SLC25A48: variants seen among roughly 807,000 people sequenced by gnomAD.
SLC25A48 encodes solute carrier family 25 member 48.
Under a neutral mutation model 32.2 loss-of-function variants are expected in SLC25A48, and 29 were observed. The observed-to-expected ratio is 0.90, with a 90% CI of 0.67 to 1.23. The LOEUF (loss-of-function observed/expected upper bound fraction) is 1.23. Among genes scored for constraint, SLC25A48 ranks in the 50% most tolerant of loss-of-function variants. The probability of loss-of-function intolerance (pLI) is 0.00; values close to 1 mark genes in which losing one functional copy is unlikely to be tolerated. For missense variants in SLC25A48, 399 were observed against 422.7 expected (o/e 0.94, Z 0.49); for synonymous variants, 164 against 172.3 (o/e 0.95, Z 0.38).
chr5:135,822,829 A>C (rs1244130043), intron 4 of SLC25A48, among the ~76,000 whole-genome samples: 2 of 152,056 alleles, frequency 1.3e-5, no homozygotes, highest in Non-Finnish European at 2.9e-5. Flanking sequence ...TGCTTGGCAC[A>C]GTGAGGTTGG....
chr5:135,654,575 A>G (rs906201384), intron 3 of SLC25A48, among the ~76,000 whole-genome samples: 1 of 152,236 alleles, frequency 6.6e-6, no homozygotes, highest in African/African-American at 2.4e-5. Context: ...CTGGACATAA[A>G]GTGGGCAGGG....
chr5:135,667,506 C>T (rs1341847825), intron 3 of SLC25A48, among the ~76,000 whole-genome samples: 1 of 152,186 alleles, frequency 6.6e-6, no homozygotes, highest in Non-Finnish European at 1.5e-5. Flanking sequence ...AATAATAATC[C>T]TTTCAAAACA....
intron 3 of SLC25A48, among the ~76,000 whole-genome samples, chr5:135,802,378 C>T (rs745775561): frequency 3.3e-5 from 5 of 151,282 alleles, no homozygotes; most frequent in Non-Finnish European, 5.9e-5. Flanking sequence ...AATATTACTC[C>T]TATTAACACT....
intron 3 of SLC25A48, among the ~76,000 whole-genome samples, chr5:135,711,362 A>G (rs1052711461): frequency 6.6e-6 from 1 of 152,184 alleles, no homozygotes; most frequent in African/African-American, 2.4e-5. Flanking sequence ...AAGTTACTGC[A>G]CTTGTCTTAG....
intron 4 of SLC25A48, among the ~76,000 whole-genome samples, chr5:135,821,243 C>T (rs1298052050): frequency 5.3e-5 from 8 of 152,158 alleles, no homozygotes; most frequent in African/African-American, 1.9e-4. Context: ...GAGCTGGGGA[C>T]GGTGGCTCTG....
chr5:135,700,602 C>T (rs1049971784), intron 3 of SLC25A48, among the ~76,000 whole-genome samples: 1 of 152,164 alleles, frequency 6.6e-6, no homozygotes, highest in African/African-American at 2.4e-5. Flanking sequence ...CCTTGTGTTC[C>T]TCCCTGGCTG....
intron 3 of SLC25A48, among the ~76,000 whole-genome samples, chr5:135,661,544 GC>G (rs1561779860): frequency 6.6e-6 from 1 of 152,016 alleles, no homozygotes; most frequent in African/African-American, 2.4e-5. Flanking sequence ...AAAAAACATG[GC>G]CTCCTTGTGA....
chr5:135,888,167 C>CT lies in SLC25A48; in HGVS notation c.*144dup. On this transcript the variant is annotated 3_prime_UTR_variant, in exon 8 of 8. Coordinates refer to ENST00000681962, the MANE Select transcript of SLC25A48 (RefSeq NM_001349336.2). Reference sequence around the variant, plus strand: ...AGCGTGGGCTAGGATGGTGCAGACACTGACGTGGCCCTTCTGATGCCTGGG... The same window carrying CT: ...AGCGTGGGCTAGGATGGTGCAGACACTTGACGTGGCCCTTCTGATGCCTGGG... The CT allele has an allele frequency of 7.3e-7, 1 of 1,373,328 alleles. No individual in the cohort carries two copies. The highest frequency in any genetic ancestry group is 2.0e-5 in the Admixed American group (1 of 49,300). The allele number at this position is 1,373,328 out of a possible 1,614,324, so 85.1% of individuals were successfully genotyped here.
chr5:135,779,521 C>CACACGCACTCTA (rs1425596801), intron 3 of SLC25A48, among the ~76,000 whole-genome samples: 20 of 120,514 alleles, frequency 1.7e-4, no homozygotes, highest in Non-Finnish European at 2.1e-4. Flanking sequence ...AGGGGGTGTA[C>CACACGCACTCTA]ATGCCCCCCT....
At chr5:135,711,923 T>C (rs1360093723) in intron 3 of SLC25A48, among the ~76,000 whole-genome samples, 1 of 146,394 alleles carries the variant, frequency 6.8e-6, no homozygotes, top group Non-Finnish European at 1.5e-5. Context: ...CTGGCCCCCC[T>C]GCCTCTAGTG....
chr5:135,618,906 CTT>C, intron 1 of SLC25A48, among the ~76,000 whole-genome samples: 1 of 143,700 alleles, frequency 7.0e-6, no homozygotes, highest in African/African-American at 2.5e-5. Flanking sequence ...ATGCCTTTCT[CTT>C]TTTTTTTTTT....
chr5:135,613,058 G>GT (rs1197835366), intron 1 of SLC25A48, among the ~76,000 whole-genome samples: 2 of 152,004 alleles, frequency 1.3e-5, no homozygotes, highest in African/African-American at 4.8e-5. Context: ...TATGAGTACC[G>GT]TTTTTTCCAT....
chr5:135,604,566 A>G (rs893739331), intron 1 of SLC25A48, among the ~76,000 whole-genome samples: 5 of 152,166 alleles, frequency 3.3e-5, no homozygotes, highest in Non-Finnish European at 2.9e-5. Context: ...CTGGTTCCCT[A>G]TGAATAGTCT....
At chr5:135,883,877 A>G (rs1473865098) in intron 7 of SLC25A48, among the ~76,000 whole-genome samples, 1 of 152,158 alleles carries the variant, frequency 6.6e-6, no homozygotes, top group Non-Finnish European at 1.5e-5. Flanking sequence ...TCCTTACTAG[A>G]GCCGCGTGGG....
intron 1 of SLC25A48, among the ~76,000 whole-genome samples, chr5:135,593,920 A>C (rs1751584981): frequency 6.6e-6 from 1 of 152,224 alleles, no homozygotes; most frequent in African/African-American, 2.4e-5. Flanking sequence ...TTCTGGGACC[A>C]GCCCCCCTGG....
chr5:135,784,628 G>A lies in SLC25A48; in HGVS notation c.-520-27895G>A, dbSNP rs766125228. 2.6e-5 allele frequency among the ~76,000 whole-genome samples: 3 copies of A among 117,152 alleles called. 1 individual carries two copies. The highest frequency in any genetic ancestry group is 4.2e-5 in the Non-Finnish European group (2 of 47,444). The allele number at this position is 117,152 out of a possible 152,430, so 76.9% of individuals were successfully genotyped here. A position where few individuals can be genotyped will look rare whatever the true frequency, so the allele number is the denominator to read the frequency against. ...AGAGGTTATTATTACTCTCAATATC[G>A]CATGGGGGGTATACCCACCCTGTGA... is the stretch of plus-strand genomic sequence containing the variant. On this transcript the variant is annotated intron_variant, in intron 3 of 10. Coordinates refer to the SLC25A48 transcript ENST00000646290.
At chr5:135,639,793 G>A (rs1326016086) in intron 3 of SLC25A48, among the ~76,000 whole-genome samples, 1 of 152,110 alleles carries the variant, frequency 6.6e-6, no homozygotes, top group African/African-American at 2.4e-5. Context: ...ATATCAAGAG[G>A]ACCCACCAAT....
intron 3 of SLC25A48, among the ~76,000 whole-genome samples, chr5:135,795,291 T>C (rs1342488091): frequency 6.6e-6 from 1 of 151,718 alleles, no homozygotes; most frequent in Admixed American, 6.6e-5. Flanking sequence ...TAATATCCAG[T>C]GGGGAGAGGA....
intron 1 of SLC25A48, among the ~76,000 whole-genome samples, chr5:135,628,048 G>A (rs1752477541): frequency 6.6e-6 from 1 of 152,166 alleles, no homozygotes; most frequent in Non-Finnish European, 1.5e-5. Flanking sequence ...GTGGCTCAGG[G>A]AAGTTGGAGA....
Sources: allele counts gnomAD v4.1 joint callset (sites outside exome capture counted in the v4.1 genomes callset), GRCh38; gene constraint gnomAD v4.1.1; transcripts MANE v1.5; gene names NCBI Gene and HGNC (gene_info 2026-07-23, HGNC 2026-07-21).